Variants in HMCN2 observed in about 807,000 individuals in gnomAD.
HMCN2 encodes the protein hemicentin 2.
A neutral mutation model predicts 377.5 loss-of-function variants in HMCN2; 325 were observed. That is an observed-to-expected ratio of 0.86 (90% CI 0.79 to 0.94). The LOEUF (loss-of-function observed/expected upper bound fraction) is 0.94, where lower values mean the gene tolerates loss of function less well. Among genes scored for constraint, HMCN2 ranks in the 40% least tolerant of loss-of-function variants. HMCN2 has a pLI of 0.00. For synonymous variants in HMCN2, 2,007 were observed against 2,046.8 expected (o/e 0.98, Z 0.53); for missense variants, 4,543 against 4,725.3 (o/e 0.96, Z 1.13).
intron 25 of HMCN2, among the ~76,000 whole-genome samples, chr9:130,346,509 G>A (rs1270814998): frequency 6.6e-6 from 1 of 152,038 alleles, no homozygotes; most frequent in Non-Finnish European, 1.5e-5. Flanking sequence ...GTGGGGCTGG[G>A]GGTTGTGGCT....
chr9:130,286,408 A>G (rs782636206), intron 4 of HMCN2, 98 bp downstream of exon 4: 5 of 433,676 alleles, frequency 1.2e-5, no homozygotes, highest in Admixed American at 2.4e-5. Context: ...ATGACAATCA[A>G]TCATCCAGAG....
Position 130,427,555 on chromosome 9 carries a change from C to T in HMCN2, c.14001C>T (p.Pro4667=), listed in dbSNP as rs903357107. The change falls in exon 92 of 98, where the codon CCC becomes CCT. Residue 4667 remains proline (P), a synonymous_variant. Coordinates refer to ENST00000683500, the MANE Select transcript of HMCN2 (RefSeq NM_001291815.2). ...GCTCCCATGCCTGCCTTAATGCACC[C>T]GGCCGCTTCTCCTGCACCTGCCCCA... The part of the protein sequence containing the change: ...SPCSHACLNA[P]GRFSCTCPTG... 2.2e-5 allele frequency: 34 copies of T among 1,550,400 alleles called. No individual in the cohort carries two copies. Among genetic ancestry groups the T allele is most frequent in the Non-Finnish European group, 2.5e-5 (29 of 1,146,980 alleles).
At chr9:130,324,487 G>GT (rs1838023084) in intron 19 of HMCN2, among the ~76,000 whole-genome samples, 1 of 152,086 alleles carries the variant, frequency 6.6e-6, no homozygotes, top group Admixed American at 6.5e-5. Context: ...TCCCCCACCA[G>GT]GGCGGCCCGT....
At chr9:130,431,155 G>C in intron 95 of HMCN2, 1 of 595,892 alleles carries the variant, frequency 1.7e-6, no homozygotes. Flanking sequence ...ATGCCTTGGT[G>C]AGCACGGGGT....
intron 71 of HMCN2, 34 bp downstream of exon 71, chr9:130,395,381 T>C (rs1401935145): frequency 3.7e-5 from 47 of 1,265,190 alleles, no homozygotes; most frequent in Non-Finnish European, 4.8e-5. Flanking sequence ...GGTGCTGCCT[T>C]CTGTCCCGCT....
Position 130,353,144 on chromosome 9 carries a change from C to T in HMCN2, c.4803C>T (p.Tyr1601=), listed in dbSNP as rs1284332603. 2 of 1,304,214 alleles carry T rather than the reference C, an allele frequency of 1.5e-6. No individual in the cohort carries two copies. The highest frequency in any genetic ancestry group is 2.0e-6 in the Non-Finnish European group (2 of 988,944). The allele number at this position is 1,304,214 out of a possible 1,614,324, so 80.8% of individuals were successfully genotyped here. ...CCCAGAGCTCCGATGCCGGCGTCTA[C>T]ACCTGCAAGGCCAGCAATGCTGTGG... ...GRAQSSDAGV[Y]TCKASNAVGA... The change falls in exon 31 of 98, where the codon TAC becomes TAT. Residue 1601 remains tyrosine, a synonymous_variant. Coordinates refer to ENST00000683500, the MANE Select transcript of HMCN2 (RefSeq NM_001291815.2).
rs998515940 is a variant in HMCN2, at chr9:130,343,744, C to T, written c.3829+1308C>T. ...ACCCAAATCCCCTCTGATAGCACTG[C>T]CTCTCCCCACCAGGCCTGCCGCCTG... is the stretch of plus-strand genomic sequence containing the variant. On this transcript the variant is annotated intron_variant, in intron 25 of 97. Coordinates refer to ENST00000683500, the MANE Select transcript of HMCN2 (RefSeq NM_001291815.2). 9.2e-5 allele frequency among the ~76,000 whole-genome samples: 14 copies of T among 152,368 alleles called. No individual in the cohort carries two copies. In the East Asian group the frequency reaches 2.1e-3, roughly 23 times the overall value.
intron 55 of HMCN2, 139 bp from the exon 56 acceptor site, chr9:130,382,540 C>A: frequency 4.8e-6 from 1 of 206,380 alleles, no homozygotes; most frequent in Non-Finnish European, 8.5e-6. Context: ...TTAGCTGCAT[C>A]AGGGATTGGG....
chr9:130,381,577 C>T (rs547768813), intron 54 of HMCN2, among the ~76,000 whole-genome samples: 22 of 152,270 alleles, frequency 1.4e-4, no homozygotes, highest in Admixed American at 1.4e-3. Flanking sequence ...CCGTGTTGGC[C>T]AGGTTGGTCT....
chr9:130,311,879 T>C (rs1474828769), intron 15 of HMCN2, among the ~76,000 whole-genome samples: 1 of 152,068 alleles, frequency 6.6e-6, no homozygotes, highest in East Asian at 1.9e-4. Flanking sequence ...AGGAGGGTCG[T>C]GTGCTCAGAC....
At chr9:130,266,246 G>A (rs1564729856) in intron 1 of HMCN2, 109 bp downstream of exon 1, 2 of 357,590 alleles carry the variant, frequency 5.6e-6, no homozygotes, top group Admixed American at 3.7e-5. Context: ...GCTGCGCCGC[G>A]GCTTGGCGGG....
At chr9:130,317,771 G>A (rs1270758202) in intron 15 of HMCN2, among the ~76,000 whole-genome samples, 1 of 142,090 alleles carries the variant, frequency 7.0e-6, no homozygotes. Flanking sequence ...GGGCGACAGA[G>A]CGAGACTCTG....
chr9:130,410,729 C>A, intron 85 of HMCN2, 77 bp downstream of exon 85: 1 of 1,212,654 alleles, frequency 8.2e-7, no homozygotes, highest in Non-Finnish European at 1.2e-6. Context: ...GCCTAGAGGG[C>A]AGACGGCAGG....
chr9:130,428,454 C>A lies in HMCN2; in HGVS notation c.14162C>A (p.Pro4721His). The change falls in exon 93 of 98, where the codon CCT becomes CAT. Residue 4721 changes from proline (P) to histidine (H), a missense_variant. Coordinates refer to ENST00000683500, the MANE Select transcript of HMCN2 (RefSeq NM_001291815.2). The surrounding 1 kb of genome is among the most constrained non-coding windows in gnomAD (Gnocchi z 5.0). ...GSYRCLPDCG[P>H]GFRVADGAGC... ...TACCGCTGCCTCCCCGACTGTGGGC[C>A]TGGCTTCCGGGTGGCTGATGGGGCC... 1 of 1,544,516 alleles carries A rather than the reference C, an allele frequency of 6.5e-7. No homozygotes were observed.
In HMCN2 at chr9:130,341,148, G is replaced by A. The variant is rs1839026035; in HGVS notation, c.3525G>A (p.Lys1175=). 1 of 152,444 alleles carries A rather than the reference G, an allele frequency of 6.6e-6. No individual in the cohort carries two copies. The highest frequency in any genetic ancestry group is 2.4e-5 in the African/African-American group (1 of 41,448). 9.4% of individuals were successfully genotyped at this position (152,444 alleles called of 1,614,324 possible). ...TGCAGCCAGGCCCTCGGGTTCTGAAGGTGCTGGTGGGAGAAGCCCTGGATC... is the reference window on the plus strand; with the variant it reads ...TGCAGCCAGGCCCTCGGGTTCTGAAAGTGCTGGTGGGAGAAGCCCTGGATC... ...PQVQPGPRVL[K]VLVGEALDLN... Residue 1175 remains lysine, a synonymous_variant, in exon 24 of 98, where the codon AAG becomes AAA. Coordinates refer to ENST00000683500, the MANE Select transcript of HMCN2 (RefSeq NM_001291815.2).
At chr9:130,370,325 C>A (rs1186885313) in intron 45 of HMCN2, among the ~76,000 whole-genome samples, 1 of 152,066 alleles carries the variant, frequency 6.6e-6, no homozygotes, top group Non-Finnish European at 1.5e-5. Flanking sequence ...ACGTGCCAGG[C>A]AGAGGGTGGC....
intron 86 of HMCN2, 105 bp downstream of exon 86, chr9:130,419,146 C>G: frequency 8.9e-7 from 1 of 1,117,912 alleles, no homozygotes; most frequent in Non-Finnish European, 1.2e-6. Context: ...TTGCCAGCTC[C>G]CCACCTCTTC....
chr9:130,428,394 G>A lies in HMCN2; in HGVS notation c.14102G>A (p.Arg4701Gln), dbSNP rs1458573714. ...TGTGCGTGGGATGCTCACCTCTGCCGAGAGGGACAGCGCTGTGTGAACCTG... is the reference window on the plus strand; with the variant it reads ...TGTGCGTGGGATGCTCACCTCTGCCAAGAGGGACAGCGCTGTGTGAACCTG... ...DECAWDAHLC[R>Q]EGQRCVNLLG... The change falls in exon 93 of 98, where the codon CGA becomes CAA. Residue 4701 changes from arginine to glutamine, a missense_variant. Arg to Gln is a conservative substitution (Grantham distance 43). Transcript: ENST00000683500. The surrounding 1 kb of genome is among the most constrained non-coding windows in gnomAD (Gnocchi z 5.0). 16 of 1,547,876 alleles carry A rather than the reference G, an allele frequency of 1.0e-5. No homozygotes were observed. Among genetic ancestry groups the A allele is most frequent in the Middle Eastern group, 1.7e-4 (1 of 6,012 alleles).
At chr9:130,280,153 T>G (rs1382379771) in intron 1 of HMCN2, among the ~76,000 whole-genome samples, 30 of 150,168 alleles carry the variant, frequency 2.0e-4, no homozygotes, top group African/African-American at 2.7e-4. Flanking sequence ...TGTGTGTGTT[T>G]TTTTTTTTTT....
Sources: gnomAD v4.1 joint callset for allele counts (sites outside exome capture counted in the v4.1 genomes callset) on GRCh38, gnomAD v4.1.1 for gene constraint, Gnocchi (gnomAD v3.1) non-coding constraint, MANE v1.5 for transcripts, NCBI Gene and HGNC (gene_info 2026-07-23, HGNC 2026-07-21) for gene names.